CSGALNACT1: variants seen among roughly 807,000 people sequenced by gnomAD.
CSGALNACT1 encodes beta4GalNAcT-1.
CSGALNACT1 carries 52 observed loss-of-function variants against 51.0 expected under a neutral mutation model. The ratio of observed to expected loss-of-function variants is 1.02; its 90% CI spans 0.82 to 1.29. The LOEUF (loss-of-function observed/expected upper bound fraction) is 1.29. Ranked by LOEUF, CSGALNACT1 falls within the 50% of genes most tolerant of loss-of-function variation. The probability of loss-of-function intolerance (pLI) is 0.00; values close to 1 mark genes in which losing one functional copy is unlikely to be tolerated. For synonymous variants in CSGALNACT1, 341 were observed against 254.4 expected (o/e 1.34, Z -3.24); for missense variants, 935 against 679.2 (o/e 1.38, Z -4.19).
chr8:19,417,921 C>T (rs149516533), intron 8 of CSGALNACT1, among the ~76,000 whole-genome samples: 312 of 152,332 alleles, frequency 2.0e-3, no homozygotes, highest in Non-Finnish European at 4.0e-3. Flanking sequence ...GCCTTTCCTC[C>T]TGCTGCTTGC....
intron 3 of CSGALNACT1, among the ~76,000 whole-genome samples, chr8:19,569,817 A>G (rs1275605510): frequency 6.6e-6 from 1 of 152,374 alleles, no homozygotes; most frequent in East Asian, 1.9e-4. Flanking sequence ...TAAATTATCC[A>G]TCAACAGTAG....
chr8:19,574,157 C>CTT (rs2043635013), intron 3 of CSGALNACT1, among the ~76,000 whole-genome samples: 4 of 152,236 alleles, frequency 2.6e-5, no homozygotes, highest in African/African-American at 9.6e-5. Flanking sequence ...AAGACATTCT[C>CTT]CAGCCCTGGC....
At chr8:19,747,442 T>C (rs1023544373) in intron 1 of CSGALNACT1, among the ~76,000 whole-genome samples, 6 of 152,248 alleles carry the variant, frequency 3.9e-5, no homozygotes, top group Non-Finnish European at 5.9e-5. Flanking sequence ...CCAGTGAAGC[T>C]GGATAAATTC....
intron 2 of CSGALNACT1, among the ~76,000 whole-genome samples, chr8:19,599,521 AAAGAAAAG>A (rs1343383658): frequency 4.1e-5 from 6 of 147,340 alleles, no homozygotes; most frequent in African/African-American, 1.3e-4. Context: ...AGAAAGAAAG[AAAGAAAAG>A]AAAGAAAAAG....
chr8:19,538,448 A>G (rs2084283141), intron 3 of CSGALNACT1, among the ~76,000 whole-genome samples: 1 of 152,214 alleles, frequency 6.6e-6, no homozygotes, highest in African/African-American at 2.4e-5. Context: ...GGCCAAAGCA[A>G]TGATGCAGGC....
At chr8:19,617,124 T>C (rs1375377248) in intron 1 of CSGALNACT1, among the ~76,000 whole-genome samples, 1 of 152,178 alleles carries the variant, frequency 6.6e-6, no homozygotes, top group African/African-American at 2.4e-5. Flanking sequence ...TACAATCTCA[T>C]AAGGAGCGCA....
rs137898697 is a variant in CSGALNACT1 at position 19,506,910 on chromosome 8, G to A, written c.-296-780C>T. Among the ~76,000 whole-genome samples the A allele has an allele frequency of 6.8e-4, 104 of 152,294 alleles. No individual in the cohort carries two copies. The Middle Eastern group carries it at 0.017, about 25-fold the overall frequency. ...TTCTTTTTAAGTTACGCAGCTTCAG[G>A]TATTCCTTTAGAGCAGCAAGAATGA... On this transcript the variant is annotated intron_variant, in intron 3 of 9. Coordinates refer to ENST00000454498, the Ensembl canonical transcript of CSGALNACT1.
At chr8:19,420,310 A>C in intron 7 of CSGALNACT1, 30 bp downstream of exon 6, 1 of 1,612,154 alleles carries the variant, frequency 6.2e-7, no homozygotes, top group East Asian at 2.2e-5. Context: ...GCTGGGGGCC[A>C]CCTGAGCGTG....
At chr8:19,645,629 C>T (rs1264838229) in intron 1 of CSGALNACT1, among the ~76,000 whole-genome samples, 1 of 152,240 alleles carries the variant, frequency 6.6e-6, no homozygotes, top group Non-Finnish European at 1.5e-5. Flanking sequence ...AGCTTGCCTA[C>T]CAACGAATGG....
exon 10 of CSGALNACT1, chr8:19,405,029 A>G: frequency 2.2e-6 from 1 of 453,570 alleles, no homozygotes; most frequent in Non-Finnish European, 4.4e-6. Flanking sequence ...GAAAGTTCTC[A>G]TAATGCATCT....
At chr8:19,620,116 C>G (rs968986447) in intron 1 of CSGALNACT1, among the ~76,000 whole-genome samples, 4 of 151,970 alleles carry the variant, frequency 2.6e-5, no homozygotes, top group African/African-American at 9.7e-5. Context: ...AGTTCAAGAC[C>G]AACCTGGCCA....
chr8:19,452,422 A>G (rs1386199409), intron 5 of CSGALNACT1, among the ~76,000 whole-genome samples: 2 of 151,078 alleles, frequency 1.3e-5, no homozygotes, highest in Non-Finnish European at 3.0e-5. Context: ...CTGGGGGAAA[A>G]AAAAAAAAAG....
intron 3 of CSGALNACT1, among the ~76,000 whole-genome samples, chr8:19,536,784 C>A (rs188897053): frequency 2.2e-3 from 340 of 152,294 alleles, no homozygotes; most frequent in Non-Finnish European, 4.0e-3. Context: ...GCAGTTGAGA[C>A]TGGCAGAAGT....
intron 5 of CSGALNACT1, among the ~76,000 whole-genome samples, chr8:19,454,290 T>A (rs913083070): frequency 1.3e-5 from 2 of 152,226 alleles, no homozygotes; most frequent in African/African-American, 2.4e-5. Flanking sequence ...GGACTGCTGA[T>A]GAATACATTA....
intron 6 of CSGALNACT1, among the ~76,000 whole-genome samples, chr8:19,430,858 T>C (rs891345146): frequency 3.3e-5 from 5 of 152,180 alleles, no homozygotes; most frequent in Non-Finnish European, 7.4e-5. Flanking sequence ...TTAATTCCTT[T>C]CAAAGTTGTG....
At chr8:19,720,059 G>C (rs2063031137) in intron 1 of CSGALNACT1, among the ~76,000 whole-genome samples, 4 of 152,166 alleles carry the variant, frequency 2.6e-5, no homozygotes, top group Admixed American at 2.6e-4. Flanking sequence ...AGAGGTACAA[G>C]AGCCATTTTG....
At chr8:19,437,911 T>C (rs2060643285) in intron 6 of CSGALNACT1, among the ~76,000 whole-genome samples, 2 of 152,218 alleles carry the variant, frequency 1.3e-5, no homozygotes, top group Non-Finnish European at 2.9e-5. Flanking sequence ...CTCAGCAAGC[T>C]ACCTTCTGGT....
chr8:19,700,499 T>C (rs941094151), intron 1 of CSGALNACT1, among the ~76,000 whole-genome samples: 2 of 152,140 alleles, frequency 1.3e-5, no homozygotes, highest in African/African-American at 4.8e-5. Flanking sequence ...GAAAATATGA[T>C]AGAAAGGATA....
intron 1 of CSGALNACT1, among the ~76,000 whole-genome samples, chr8:19,653,526 G>T (rs139553316): frequency 1.4e-3 from 209 of 152,310 alleles, no homozygotes; most frequent in Admixed American, 5.0e-3. Flanking sequence ...AGGTGCAGTG[G>T]CTCATGCCTG....
Sources: gnomAD v4.1 joint callset for allele counts (sites outside exome capture counted in the v4.1 genomes callset) on GRCh38, gnomAD v4.1.1 for gene constraint, MANE v1.5 for transcripts, NCBI Gene and HGNC (gene_info 2026-07-23, HGNC 2026-07-21) for gene names.